The following COL4A2 variants were observed in gnomAD, a reference collection of about 807,000 sequenced individuals.
COL4A2 encodes collagen type IV alpha 2 chain.
COL4A2 carries 99 observed loss-of-function variants against 200.2 expected under a neutral mutation model. The observed-to-expected ratio is 0.49, with a 90% confidence interval of 0.42 to 0.58. The LOEUF is 0.58. Among genes scored for constraint, COL4A2 ranks in the 20% least tolerant of loss-of-function variants. The pLI, the probability that COL4A2 is intolerant of heterozygous loss-of-function variation, is 0.00. For synonymous variants in COL4A2, 897 were observed against 900.6 expected, an observed-to-expected ratio of 1.00 and a Z score of 0.07; for missense variants, 1,950 against 2,314.1, an observed-to-expected ratio of 0.84 and a Z score of 3.23.
intron 3 of COL4A2, among the ~76,000 whole-genome samples, chr13:110,323,600 A>G (rs1310739369): frequency 6.6e-6 from 1 of 152,158 alleles, no homozygotes; most frequent in Non-Finnish European, 1.5e-5. Context: ...CCTACCTGCT[A>G]CCTGCAGTAT....
At chr13:110,461,589 C>T (rs181815571) in intron 22 of COL4A2, among the ~76,000 whole-genome samples, 231 of 152,214 alleles carry the variant, frequency 1.5e-3, no homozygotes, top group African/African-American at 5.1e-3. Context: ...GGCAAGATCT[C>T]GGCTCACTGC....
chr13:110,465,607 GTATGAAGGAATCCTCCCTTT>G lies in COL4A2; in HGVS notation c.1978+4_1978+23del. On this transcript the variant is annotated splice_donor_variant and splice_donor_5th_base_variant and intron_variant, in intron 25 of 47. Transcript: ENST00000360467. LOFTEE classifies it high-confidence loss of function. Reference sequence around the variant, plus strand: ...CCCGCAGGGACCCCAGGACAAATAGGTATGAAGGAATCCTCCCTTTTACCTTTCACAGTCCTGAGACATTC... The same window carrying G: ...CCCGCAGGGACCCCAGGACAAATAGGTACCTTTCACAGTCCTGAGACATTC... The G allele has an allele frequency of 6.2e-7, 1 of 1,604,692 alleles. No homozygotes were observed. The highest frequency in any genetic ancestry group is 8.5e-7 in the Non-Finnish European group (1 of 1,176,592).
chr13:110,508,389 T>A lies in COL4A2; in HGVS notation c.4881+168T>A. On this transcript the variant is annotated intron_variant, in intron 47 of 47. Coordinates refer to ENST00000360467, the MANE Select transcript of COL4A2 (RefSeq NM_001846.4). The surrounding 1 kb of genome is among the most constrained non-coding windows in gnomAD (Gnocchi z 6.1). ...AGCTGGAACACAGCTTACACTTGGCTAACTGAGCCACATGCTGGGCACAGG... is the reference window on the plus strand; with the variant it reads ...AGCTGGAACACAGCTTACACTTGGCAAACTGAGCCACATGCTGGGCACAGG... 9.2e-7 allele frequency: 1 copy of A among 1,089,680 alleles called. No homozygotes were observed. The allele number at this position is 1,089,680 out of a possible 1,614,324, so 67.5% of individuals were successfully genotyped here. A position where few individuals can be genotyped will look rare whatever the true frequency, so the allele number is the denominator to read the frequency against.
At chr13:110,369,714 C>T (rs1465509131) in intron 4 of COL4A2, among the ~76,000 whole-genome samples, 6 of 152,162 alleles carry the variant, frequency 3.9e-5, no homozygotes, top group East Asian at 1.9e-4. Context: ...CCCTTCCCGC[C>T]TCAGCTTACA....
chr13:110,319,113 C>CG (rs371871523), intron 3 of COL4A2, among the ~76,000 whole-genome samples: 1 of 151,598 alleles, frequency 6.6e-6, no homozygotes, highest in African/African-American at 2.4e-5. Flanking sequence ...CTGGTGGGTG[C>CG]GGGGGCCTGT....
Position 110,466,051 on chromosome 13 carries a change from C to T in COL4A2, c.2027C>T (p.Ala676Val). The T allele has an allele frequency of 6.2e-7, 1 of 1,613,626 alleles. No individual in the cohort carries two copies. Among genetic ancestry groups the T allele is most frequent in the Non-Finnish European group, 8.5e-7 (1 of 1,179,640 alleles). ...KRAVGGDRQE[A>V]IQPGCIGGPK... ...GCCGTTGGAGGTGACAGACAGGAGG[C>T]CATCCAGCCAGGTACTCTGGGAAGT... Residue 676 changes from alanine (A) to valine (V), a missense_variant, in exon 26 of 48, where the codon GCC (alanine) becomes GTC (valine). This residue lies in a region of COL4A2 where 1,385 missense variants were observed against 1,720.5 expected (regional missense o/e 0.80). Transcript: ENST00000360467.
At chr13:110,345,029 T>A (rs1159006226) in intron 3 of COL4A2, among the ~76,000 whole-genome samples, 1 of 152,166 alleles carries the variant, frequency 6.6e-6, no homozygotes, top group Non-Finnish European at 1.5e-5. Flanking sequence ...GTGTGAGAAT[T>A]TTTCAGAAAC....
intron 4 of COL4A2, among the ~76,000 whole-genome samples, chr13:110,405,913 T>G (rs899920566): frequency 1.3e-5 from 2 of 151,956 alleles, no homozygotes; most frequent in African/African-American, 2.4e-5. Context: ...GGAAGGTGAG[T>G]GAAGAACAAC....
At chr13:110,490,401 C>T (rs1051052096) in intron 36 of COL4A2, among the ~76,000 whole-genome samples, 2 of 152,238 alleles carry the variant, frequency 1.3e-5, no homozygotes, top group African/African-American at 4.8e-5. Context: ...GTTGCTGGAG[C>T]CCCAGGGGCT....
At position 110,505,111 on chromosome 13, in the gene COL4A2, G is replaced by A. The variant is rs555827005; in HGVS notation, c.4402+847G>A. The stretch of plus-strand genomic sequence containing the variant: ...CACGCCTGTAATCCCAGCACTTTGG[G>A]AGGCTGAGGTGGGCGGATCACAAGG... On this transcript the variant is annotated intron_variant, in intron 45 of 47. Transcript: ENST00000360467. 5.3e-5 allele frequency among the ~76,000 whole-genome samples: 8 copies of A among 152,048 alleles called. No homozygotes were observed. The East Asian group carries it at 1.4e-3, about 26-fold the overall frequency.
intron 3 of COL4A2, among the ~76,000 whole-genome samples, chr13:110,353,588 C>G (rs1182529152): frequency 2.0e-5 from 3 of 152,196 alleles, no homozygotes; most frequent in African/African-American, 7.2e-5. Flanking sequence ...GATGCCAAGG[C>G]TCAGGTCAGA....
At chr13:110,383,489 A>C (rs1395105611) in intron 4 of COL4A2, among the ~76,000 whole-genome samples, 1 of 152,008 alleles carries the variant, frequency 6.6e-6, no homozygotes, top group African/African-American at 2.4e-5. Context: ...TTTATGTCAG[A>C]TCAAGAATAG....
chr13:110,480,307 C>T lies in COL4A2; in HGVS notation c.2675C>T (p.Ala892Val). 6.2e-7 allele frequency: 1 copy of T among 1,614,014 alleles called. No homozygotes were observed. The highest frequency in any genetic ancestry group is 2.2e-5 in the East Asian group (1 of 44,878). The change falls in exon 31 of 48, where the codon GCT (alanine) becomes GTT (valine). Residue 892 changes from alanine to valine, a missense_variant. By Grantham distance (64) the Ala-to-Val change is moderately conservative (BLOSUM62 0). This residue lies in a region of COL4A2 where 1,385 missense variants were observed against 1,720.5 expected (regional missense o/e 0.80). Coordinates refer to ENST00000360467, the MANE Select transcript of COL4A2 (RefSeq NM_001846.4). ...GGTCTCTCTGGTGACAGAGGAGATG[C>T]TGGCTTCACAGGGGAGCAAGGCCAT... ...MKGLSGDRGD[A>V]GFTGEQGHPG...
chr13:110,466,370 G>A (rs1445170364), intron 26 of COL4A2, among the ~76,000 whole-genome samples: 2 of 152,188 alleles, frequency 1.3e-5, no homozygotes, highest in Non-Finnish European at 2.9e-5. Flanking sequence ...AGAGGAGGCT[G>A]AGCCCAGCCC....
chr13:110,493,363 T>C (rs975572419), intron 39 of COL4A2, 81 bp downstream of exon 39: 1 of 1,442,224 alleles, frequency 6.9e-7, no homozygotes, highest in Non-Finnish European at 9.7e-7. Flanking sequence ...CCCTCCAGAC[T>C]TCAGGGAATG....
intron 31 of COL4A2, among the ~76,000 whole-genome samples, chr13:110,480,977 C>T (rs1882883588): frequency 7.2e-6 from 1 of 138,988 alleles, no homozygotes; most frequent in Non-Finnish European, 1.6e-5. Context: ...TGGAGACACA[C>T]AGTTCTGTCC....
intron 3 of COL4A2, among the ~76,000 whole-genome samples, chr13:110,312,914 T>G (rs1415880356): frequency 6.6e-6 from 1 of 152,196 alleles, no homozygotes; most frequent in Non-Finnish European, 1.5e-5. Flanking sequence ...TCTCAGGTGA[T>G]CAACATACCA....
chr13:110,478,197 G>A (rs769451701), intron 30 of COL4A2, 33 bp downstream of exon 30: 4 of 1,489,624 alleles, frequency 2.7e-6, no homozygotes, highest in South Asian at 2.7e-5. Context: ...AACGAGTGGG[G>A]TCCTCACTGG....
intron 3 of COL4A2, among the ~76,000 whole-genome samples, chr13:110,331,987 A>T (rs1247137886): frequency 6.6e-6 from 1 of 151,982 alleles, no homozygotes; most frequent in East Asian, 1.9e-4. Context: ...CCTACGTTTT[A>T]TTGTCATCCA....
Sources: allele counts gnomAD v4.1 joint callset (sites outside exome capture counted in the v4.1 genomes callset), GRCh38; gene constraint gnomAD v4.1.1; regional missense constraint gnomAD v4.1.1; non-coding constraint Gnocchi (gnomAD v3.1); transcripts MANE v1.5; gene names NCBI Gene and HGNC (gene_info 2026-07-23, HGNC 2026-07-21).